The following STX6 variants were observed in gnomAD, a reference collection of about 807,000 sequenced individuals.
The protein encoded by STX6 is syntaxin-6.
Under a neutral mutation model 38.0 loss-of-function variants are expected in STX6, and 23 were observed. The ratio of observed to expected loss-of-function variants is 0.60; its 90% confidence interval spans 0.43 to 0.86. The LOEUF (loss-of-function observed/expected upper bound fraction) is 0.86, where lower values mean the gene tolerates loss of function less well. STX6 is among the 40% of genes least tolerant of loss of function. The probability of loss-of-function intolerance (pLI) is 0.00; values close to 1 mark genes in which losing one functional copy is unlikely to be tolerated. For synonymous variants in STX6, 123 were observed against 107.5 expected (o/e 1.14, Z -0.89); for missense variants, 274 against 312.9 (o/e 0.88, Z 0.94).
At chr1:180,980,262 G>A (rs1655369051) in intron 7 of STX6, among the ~76,000 whole-genome samples, 1 of 147,174 alleles carries the variant, frequency 6.8e-6, no homozygotes, top group Non-Finnish European at 1.5e-5. Context: ...ACGAAAAGAT[G>A]TTCAACATTA....
chr1:181,021,268 A>C (rs1357684593), intron 1 of STX6, among the ~76,000 whole-genome samples: 1 of 152,284 alleles, frequency 6.6e-6, no homozygotes, highest in East Asian at 1.9e-4. Context: ...AAAAACATCT[A>C]TTTTAAAAAT....
intron 1 of STX6, among the ~76,000 whole-genome samples, chr1:181,019,090 A>G (rs1347832369): frequency 1.3e-5 from 2 of 152,210 alleles, no homozygotes; most frequent in Non-Finnish European, 2.9e-5. Flanking sequence ...AAATTCATAT[A>G]AAGTGCTTAC....
chr1:180,988,577 C>A, intron 5 of STX6: 1 of 426,148 alleles, frequency 2.3e-6, no homozygotes, highest in Non-Finnish European at 4.4e-6. Context: ...GTCAGCGGGG[C>A]TTGAAACCAC....
chr1:181,019,457 TC>T (rs908377049), intron 1 of STX6, among the ~76,000 whole-genome samples: 2 of 151,996 alleles, frequency 1.3e-5, no homozygotes, highest in Non-Finnish European at 2.9e-5. Flanking sequence ...AGGAAGCACT[TC>T]CTGGAGGCAA....
intron 1 of STX6, among the ~76,000 whole-genome samples, chr1:181,017,182 C>G (rs976209887): frequency 1.8e-4 from 28 of 151,486 alleles, no homozygotes; most frequent in African/African-American, 6.5e-4. Context: ...GTCAGGAGAT[C>G]GAGACCATCC....
At chr1:181,011,943 A>G (rs999167213) in intron 1 of STX6, among the ~76,000 whole-genome samples, 1 of 152,270 alleles carries the variant, frequency 6.6e-6, no homozygotes, top group African/African-American at 2.4e-5. Flanking sequence ...GTCTGTCTCC[A>G]GAAAGGTGAC....
chr1:181,003,904 T>C (rs1186537935), intron 2 of STX6, among the ~76,000 whole-genome samples: 1 of 152,232 alleles, frequency 6.6e-6, no homozygotes, highest in Non-Finnish European at 1.5e-5. Context: ...TGCAGTTTCA[T>C]GGAACAAGAC....
In STX6 at chr1:181,022,790, G is replaced by A; in HGVS notation, c.-117C>T. 2 of 1,057,080 alleles carry A rather than the reference G, an allele frequency of 1.9e-6. No homozygotes were observed. The highest frequency in any genetic ancestry group is 2.8e-6 in the Non-Finnish European group (2 of 718,544). 65.5% of individuals were successfully genotyped at this position (1,057,080 alleles called of 1,614,324 possible). ...CTGCCCGCGCCTTAGTCTGGGTGAA[G>A]CCGAGCAGCGGGCACGCGCACAGGC... On this transcript the variant is annotated 5_prime_UTR_variant, in exon 1 of 8. Coordinates refer to ENST00000258301, the MANE Select transcript of STX6 (RefSeq NM_005819.6).
intron 7 of STX6, among the ~76,000 whole-genome samples, chr1:180,983,869 C>G (rs1195948419): frequency 2.0e-5 from 3 of 151,582 alleles, no homozygotes; most frequent in Non-Finnish European, 2.9e-5. Flanking sequence ...TCGAGACCAT[C>G]CTGGCTAACA....
At chr1:181,005,169 CAAGT>C (rs1656189530) in intron 2 of STX6, 121 bp downstream of exon 2, 4 of 1,496,786 alleles carry the variant, frequency 2.7e-6, no homozygotes, top group African/African-American at 2.8e-5. Flanking sequence ...TGTCATGGTA[CAAGT>C]AAGAGCAACA....
intron 3 of STX6, among the ~76,000 whole-genome samples, chr1:180,996,547 G>C (rs1655919751): frequency 1.3e-5 from 2 of 152,042 alleles, no homozygotes; most frequent in Non-Finnish European, 2.9e-5. Context: ...GACTGATAAG[G>C]TCTTTTTGTA....
intron 4 of STX6, 122 bp downstream of exon 4, chr1:180,993,241 G>T: frequency 1.5e-6 from 1 of 650,230 alleles, no homozygotes; most frequent in South Asian, 1.8e-5. Flanking sequence ...GGTCACACCA[G>T]GGCCTGCAAG....
intron 1 of STX6, among the ~76,000 whole-genome samples, chr1:181,006,479 G>C (rs548458721): frequency 6.0e-5 from 9 of 150,882 alleles, no homozygotes; most frequent in African/African-American, 2.0e-4. Context: ...CCACCATTGG[G>C]CCAATATCCA....
rs113070419 is a variant in STX6 at position 181,003,340 on chromosome 1, G to A, written c.206-640C>T. ...TATAGTGTTTATTAATCTAATCTCTGTAACCAACAAAATGCCTGGCACATA... is the reference window on the plus strand; with the variant it reads ...TATAGTGTTTATTAATCTAATCTCTATAACCAACAAAATGCCTGGCACATA... On this transcript the variant is annotated intron_variant, in intron 2 of 7. Coordinates refer to ENST00000258301, the MANE Select transcript of STX6 (RefSeq NM_005819.6). 6.6e-3 allele frequency among the ~76,000 whole-genome samples: 999 copies of A among 152,250 alleles called. 5 individuals carry two copies. Among genetic ancestry groups the A allele is most frequent in the Admixed American group, 0.012 (178 of 15,280 alleles).
intron 1 of STX6, among the ~76,000 whole-genome samples, chr1:181,015,005 G>A (rs1400303985): frequency 6.6e-6 from 1 of 152,138 alleles, no homozygotes; most frequent in Non-Finnish European, 1.5e-5. Context: ...TGGTGCACTT[G>A]ACACTATGGC....
intron 3 of STX6, among the ~76,000 whole-genome samples, chr1:180,995,295 C>T (rs1035418447): frequency 2.6e-5 from 4 of 152,226 alleles, no homozygotes; most frequent in Admixed American, 2.0e-4. Flanking sequence ...CCCTAGGCCC[C>T]TATGAGACCT....
chr1:181,004,492 C>A (rs959279255), intron 2 of STX6, among the ~76,000 whole-genome samples: 3 of 152,130 alleles, frequency 2.0e-5, no homozygotes, highest in African/African-American at 7.2e-5. Flanking sequence ...ATCAATCATG[C>A]CTGCGAAATG....
chr1:181,008,591 AACCTCCAAATGC>A (rs1656295002), intron 1 of STX6, among the ~76,000 whole-genome samples: 1 of 152,182 alleles, frequency 6.6e-6, no homozygotes, highest in Non-Finnish European at 1.5e-5. Flanking sequence ...AGTATTGCAG[AACCTCCAAATGC>A]CAGCTCATTT....
chr1:181,006,310 G>A (rs1042569058), intron 1 of STX6, among the ~76,000 whole-genome samples: 7 of 151,636 alleles, frequency 4.6e-5, no homozygotes, highest in Non-Finnish European at 8.8e-5. Flanking sequence ...TGATCCACCT[G>A]CCTCAGCCTC....
Sources: gnomAD v4.1 joint callset for allele counts (sites outside exome capture counted in the v4.1 genomes callset) on GRCh38, gnomAD v4.1.1 for gene constraint, MANE v1.5 for transcripts, NCBI Gene and HGNC (gene_info 2026-07-23, HGNC 2026-07-21) for gene names.